ZNF585A: variants seen among roughly 807,000 people sequenced by gnomAD.
ZNF585A encodes the protein zinc finger protein 585A.
A neutral mutation model predicts 14.9 loss-of-function variants in ZNF585A; 9 were observed. The observed-to-expected ratio is 0.60, with a 90% CI of 0.36 to 1.05. The LOEUF (loss-of-function observed/expected upper bound fraction) is 1.05. ZNF585A is among the 50% of genes least tolerant of loss of function. ZNF585A has a pLI of 0.01. For missense variants in ZNF585A, 726 were observed against 926.4 expected, an observed-to-expected ratio of 0.78 and a Z score of 2.81; for synonymous variants, 276 against 319.9, an observed-to-expected ratio of 0.86 and a Z score of 1.46.
intron 2 of ZNF585A, among the ~76,000 whole-genome samples, chr19:37,167,635 T>TTTTAC (rs756793294): frequency 6.7e-6 from 1 of 149,668 alleles, no homozygotes; most frequent in Non-Finnish European, 1.5e-5. Flanking sequence ...TTTTATTTTA[T>TTTTAC]TTTTGAGATG....
chr19:37,148,836 T>C lies in ZNF585A; in HGVS notation c.*2753A>G, dbSNP rs1040438840. 1 of 152,038 alleles carries C rather than the reference T, an allele frequency of 6.6e-6. No homozygotes were observed. The highest frequency in any genetic ancestry group is 1.5e-5 in the Non-Finnish European group (1 of 68,010). The allele number at this position is 152,038 out of a possible 1,614,324, so 9.4% of individuals were successfully genotyped here. A position where few individuals can be genotyped will look rare whatever the true frequency, so the allele number is the denominator to read the frequency against. On this transcript the variant is annotated 3_prime_UTR_variant, in exon 5 of 5. Transcript: ENST00000292841. Reference sequence around the variant, plus strand: ...TTTGGCTCTAAAAAGAAATGCATTATCAAGCCATGAAAAGACATGGAGGAA... The same window carrying C: ...TTTGGCTCTAAAAAGAAATGCATTACCAAGCCATGAAAAGACATGGAGGAA...
At chr19:37,160,898 T>C (rs527668546) in intron 2 of ZNF585A, among the ~76,000 whole-genome samples, 2 of 152,236 alleles carry the variant, frequency 1.3e-5, no homozygotes, top group Admixed American at 1.3e-4. Context: ...GACACGATCT[T>C]GCTCTGTCGT....
At position 37,152,494 on chromosome 19, in the gene ZNF585A, T is replaced by A; in HGVS notation, c.1405A>T (p.Asn469Tyr). The change falls in exon 5 of 5, where the codon AAT (asparagine) becomes TAT (tyrosine). Residue 469 changes from asparagine to tyrosine, a missense_variant. Asn to Tyr is a moderately radical substitution (Grantham distance 143, BLOSUM62 -2). Around this residue, in one of 2 missense-constraint regions of ZNF585A, gnomAD observed 243 missense variants for 383.6 expected, o/e 0.63. Transcript: ENST00000292841. Reference protein sequence around the residue: ...IHTGEKPYMCNKCGKAFTNRS... With the variant: ...IHTGEKPYMCYKCGKAFTNRS... Reference sequence around the variant, plus strand: ...TTGGTGAATGCCTTCCCACATTTATTGCACATATAGGGCTTTTCTCCTGTG... The same window carrying A: ...TTGGTGAATGCCTTCCCACATTTATAGCACATATAGGGCTTTTCTCCTGTG... 1.2e-6 allele frequency: 2 copies of A among 1,614,182 alleles called. No individual in the cohort carries two copies. Among genetic ancestry groups the A allele is most frequent in the Admixed American group, 1.7e-5 (1 of 60,024 alleles).
rs1396429859 is a variant in ZNF585A, at chr19:37,169,891, G to A, written c.20C>T (p.Ser7Leu). Residue 7 changes from serine to leucine, a missense_variant, in exon 2 of 5, where the codon TCA becomes TTA. Ser to Leu is a moderately radical substitution (Grantham distance 145, BLOSUM62 -2). Coordinates refer to ENST00000292841, the MANE Select transcript of ZNF585A (RefSeq NM_001288800.2). MPANWT[S>L]PQKSSALAPE... is the part of the protein sequence containing the mutation. ...AGCCAGGGCTGAGGATTTCTGAGGT[G>A]AGGTCCAATTAGCTGGCATGGCCAC... is the stretch of plus-strand genomic sequence containing the variant. 2.5e-6 allele frequency: 4 copies of A among 1,613,212 alleles called. No homozygotes were observed. The highest frequency in any genetic ancestry group is 1.7e-5 in the Admixed American group (1 of 59,996).
Position 37,152,730 on chromosome 19 carries a change from G to T in ZNF585A, c.1169C>A (p.Ala390Asp), listed in dbSNP as rs780075247. The T allele has an allele frequency of 6.2e-7, 1 of 1,614,170 alleles. No individual in the cohort carries two copies. Among genetic ancestry groups the T allele is most frequent in the Non-Finnish European group, 8.5e-7 (1 of 1,180,036 alleles). ...KPYECSDCGK[A>D]FTQKSALTVH... ...TGTGAGTGCTGACTTCTGAGTGAAG[G>T]CTTTCCCACAGTCACTGCATTCATA... is the stretch of plus-strand genomic sequence containing the variant. Residue 390 changes from alanine to aspartate, a missense_variant, in exon 5 of 5, where the codon GCC becomes GAC. By Grantham distance (126) the Ala-to-Asp change is moderately radical. This residue lies in a region of ZNF585A where 483 missense variants were observed against 542.8 expected (regional missense o/e 0.89). Coordinates refer to ENST00000292841, the MANE Select transcript of ZNF585A (RefSeq NM_001288800.2).
intron 1 of ZNF585A, among the ~76,000 whole-genome samples, chr19:37,171,062 A>T (rs181620401): frequency 5.3e-5 from 8 of 152,372 alleles, no homozygotes; most frequent in Non-Finnish European, 2.9e-5. Context: ...TGGCAGTGAT[A>T]TAATGCAGTG....
intron 3 of ZNF585A, 135 bp from the exon 4 acceptor site, chr19:37,156,092 C>T (rs112401881): frequency 0.29 from 456,100 of 1,547,478 alleles, 71,933 homozygotes; most frequent in Non-Finnish European, 0.33. Context: ...ATTCTGAGTG[C>T]CCTAAACAAA....
chr19:37,167,635 T>C (rs1255556658), intron 2 of ZNF585A, among the ~76,000 whole-genome samples: 1 of 149,668 alleles, frequency 6.7e-6, no homozygotes, highest in East Asian at 1.9e-4. Context: ...TTTTATTTTA[T>C]TTTTGAGATG....
intron 4 of ZNF585A, among the ~76,000 whole-genome samples, chr19:37,155,529 C>A (rs909731721): frequency 1.3e-5 from 2 of 151,916 alleles, no homozygotes; most frequent in East Asian, 3.9e-4. Context: ...CTGGCAAACA[C>A]CTGTAATCCC....
intron 4 of ZNF585A, among the ~76,000 whole-genome samples, chr19:37,154,823 A>C (rs1971898667): frequency 6.6e-6 from 1 of 151,632 alleles, no homozygotes; most frequent in Admixed American, 6.6e-5. Flanking sequence ...AAAAAAAAGA[A>C]AAAAGAAAAG....
rs1971803380 is a variant in ZNF585A, at chr19:37,150,149, T to C, written c.*1440A>G. 6.6e-6 allele frequency: 1 copy of C among 151,386 alleles called. No individual in the cohort carries two copies. Among genetic ancestry groups the C allele is most frequent in the Admixed American group, 6.6e-5 (1 of 15,186 alleles). The allele number at this position is 151,386 out of a possible 1,614,324, so 9.4% of individuals were successfully genotyped here. A position where few individuals can be genotyped will look rare whatever the true frequency, so the allele number is the denominator to read the frequency against. ...GGACAGAAGAGGCTCCAAAATACAG[T>C]TGGGAAATGTGGACATTATGGTTCA... On this transcript the variant is annotated 3_prime_UTR_variant, in exon 5 of 5. Coordinates refer to ENST00000292841, the MANE Select transcript of ZNF585A (RefSeq NM_001288800.2).
chr19:37,154,446 C>T lies in ZNF585A; in HGVS notation c.293-840G>A, dbSNP rs1040944625. ...AATCAAAACATAAATAAGAGAGAAT[C>T]CTGACCCAGACTCATGATGATAGTG... On this transcript the variant is annotated intron_variant, in intron 4 of 4. Transcript: ENST00000292841. 5.3e-4 allele frequency among the ~76,000 whole-genome samples: 81 copies of T among 152,054 alleles called. 1 individual carries two copies. The highest frequency in any genetic ancestry group is 1.0e-4 in the Non-Finnish European group (7 of 68,008).
chr19:37,163,570 T>C (rs1972043295), intron 2 of ZNF585A, among the ~76,000 whole-genome samples: 1 of 151,918 alleles, frequency 6.6e-6, no homozygotes, highest in Admixed American at 6.6e-5. Flanking sequence ...GAAATAAAGA[T>C]ATTTTTTAAA....
chr19:37,150,649 A>G lies in ZNF585A; in HGVS notation c.*940T>C, dbSNP rs914569685. The G allele has an allele frequency of 5.2e-5, 8 of 152,472 alleles. No individual in the cohort carries two copies. Among genetic ancestry groups the G allele is most frequent in the African/African-American group, 1.9e-4 (8 of 41,424 alleles). The allele number at this position is 152,472 out of a possible 1,614,324, so 9.4% of individuals were successfully genotyped here. A position where few individuals can be genotyped will look rare whatever the true frequency, so the allele number is the denominator to read the frequency against. Reference sequence around the variant, plus strand: ...GTCATGGCCCTTTCCAGCCCTAAACATATGGTTGTGTTGGTTTTCATATAA... The same window carrying G: ...GTCATGGCCCTTTCCAGCCCTAAACGTATGGTTGTGTTGGTTTTCATATAA... On this transcript the variant is annotated 3_prime_UTR_variant, in exon 5 of 5. Transcript: ENST00000292841.
At chr19:37,164,964 CA>C (rs1209398328) in intron 2 of ZNF585A, among the ~76,000 whole-genome samples, 1 of 152,216 alleles carries the variant, frequency 6.6e-6, no homozygotes, top group Non-Finnish European at 1.5e-5. Flanking sequence ...TGAGCCACCA[CA>C]TATGGCCAAA....
intron 2 of ZNF585A, among the ~76,000 whole-genome samples, chr19:37,157,035 G>A (rs1009574808): frequency 2.6e-5 from 4 of 152,188 alleles, no homozygotes; most frequent in African/African-American, 7.2e-5. Flanking sequence ...GGTGTAAAAC[G>A]TATCAACCTT....
At chr19:37,167,138 A>G (rs1175232561) in intron 2 of ZNF585A, among the ~76,000 whole-genome samples, 1 of 151,914 alleles carries the variant, frequency 6.6e-6, no homozygotes, top group Non-Finnish European at 1.5e-5. Flanking sequence ...CCAGCCTACC[A>G]CACAAACTTT....
chr19:37,156,184 C>T (rs777327307), intron 3 of ZNF585A, 45 bp downstream of exon 3: 7 of 1,604,046 alleles, frequency 4.4e-6, no homozygotes, highest in Admixed American at 1.7e-5. Flanking sequence ...AATGAAAACA[C>T]TCTCAGTGAG....
At position 37,163,696 on chromosome 19, in the gene ZNF585A, T is replaced by C. The variant is rs1972045183; in HGVS notation, c.72+6143A>G. On this transcript the variant is annotated intron_variant, in intron 2 of 4. Coordinates refer to ENST00000292841, the MANE Select transcript of ZNF585A (RefSeq NM_001288800.2). The stretch of plus-strand genomic sequence containing the variant: ...ATTTAATAAATACTGTCTTAAAGAG[T>C]AGATTCGAATATTTAGTTCAAGAAG... 1.3e-5 allele frequency among the ~76,000 whole-genome samples: 2 copies of C among 151,654 alleles called. 1 individual carries two copies. The highest frequency in any genetic ancestry group is 1.3e-4 in the Admixed American group (2 of 15,204).
Sources: gnomAD v4.1 joint callset for allele counts (sites outside exome capture counted in the v4.1 genomes callset) on GRCh38, gnomAD v4.1.1 for gene constraint, gnomAD v4.1.1 regional missense constraint, MANE v1.5 for transcripts, NCBI Gene and HGNC (gene_info 2026-07-23, HGNC 2026-07-21) for gene names.